Variants in ADGB observed in about 807,000 individuals in gnomAD.
ADGB encodes the protein androglobin, also known as calpain-7-like protein.
In ADGB, 172 loss-of-function variants were observed where a neutral mutation model predicts 210.5. The ratio of observed to expected loss-of-function variants is 0.82; its 90% confidence interval spans 0.72 to 0.93. ADGB has a LOEUF of 0.93. Among genes scored for constraint, ADGB ranks in the 40% least tolerant of loss-of-function variants. The pLI, the probability that ADGB is intolerant of heterozygous loss-of-function variation, is 0.00. For missense variants in ADGB, 2,025 were observed against 1,964.8 expected (o/e 1.03, Z -0.58); for synonymous variants, 658 against 662.7 (o/e 0.99, Z 0.11).
chr6:146,602,000 G>A (rs1357137853), intron 1 of ADGB, among the ~76,000 whole-genome samples: 14 of 152,060 alleles, frequency 9.2e-5, no homozygotes, highest in Admixed American at 9.2e-4. Flanking sequence ...AACTGATTAC[G>A]GTAGAATCAT....
intron 23 of ADGB, among the ~76,000 whole-genome samples, chr6:146,738,183 T>A (rs906016053): frequency 6.6e-6 from 1 of 152,108 alleles, no homozygotes; most frequent in African/African-American, 2.4e-5. Flanking sequence ...CCCTCATAAA[T>A]CTGTAAAGAT....
chr6:146,803,744 G>A (rs926218793), intron 35 of ADGB: 6 of 804,026 alleles, frequency 7.5e-6, no homozygotes, highest in Non-Finnish European at 1.2e-5. Context: ...TGGTACCGCG[G>A]CGCCTCAGCC....
chr6:146,792,715 G>T (rs1222397849), intron 33 of ADGB, among the ~76,000 whole-genome samples: 1 of 151,992 alleles, frequency 6.6e-6, no homozygotes, highest in Non-Finnish European at 1.5e-5. Context: ...TGCATAGAGA[G>T]GAGAAATAAG....
intron 35 of ADGB, among the ~76,000 whole-genome samples, chr6:146,807,164 CTATT>C (rs1316753744): frequency 6.6e-6 from 1 of 152,120 alleles, no homozygotes; most frequent in Non-Finnish European, 1.5e-5. Flanking sequence ...TATGTTTTGA[CTATT>C]TTTTCTACAA....
At chr6:146,710,384 C>T (rs1427907337) in intron 13 of ADGB, among the ~76,000 whole-genome samples, 6 of 151,990 alleles carry the variant, frequency 3.9e-5, no homozygotes, top group South Asian at 2.1e-4. Context: ...AACTTTCAAA[C>T]GTTATAATAA....
At chr6:146,651,366 G>A (rs551663514) in intron 3 of ADGB, among the ~76,000 whole-genome samples, 4 of 152,306 alleles carry the variant, frequency 2.6e-5, no homozygotes, top group African/African-American at 9.6e-5. Flanking sequence ...CTCAAATTTG[G>A]CCGCTCACTG....
intron 12 of ADGB, among the ~76,000 whole-genome samples, chr6:146,696,280 T>G (rs1776402135): frequency 6.6e-6 from 1 of 152,126 alleles, no homozygotes; most frequent in African/African-American, 2.4e-5. Context: ...TTCACCATGT[T>G]GGCCAGGCTG....
intron 35 of ADGB, among the ~76,000 whole-genome samples, chr6:146,804,721 T>G (rs974358202): frequency 1.3e-5 from 2 of 152,196 alleles, no homozygotes; most frequent in African/African-American, 4.8e-5. Context: ...GCTTCCATCT[T>G]TGCCCCTCCA....
intron 6 of ADGB, among the ~76,000 whole-genome samples, chr6:146,665,950 G>T (rs1374445000): frequency 2.0e-5 from 3 of 152,016 alleles, no homozygotes; most frequent in African/African-American, 7.2e-5. Context: ...GTCCAATGAG[G>T]AGTTTAGACT....
chr6:146,616,904 T>C (rs60951163), intron 1 of ADGB, among the ~76,000 whole-genome samples: 2,239 of 152,166 alleles, frequency 0.015, 63 homozygotes, highest in African/African-American at 0.052. Flanking sequence ...GTCCTTTTCA[T>C]TGAGGATTGC....
chr6:146,809,281 A>C (rs259383), intron 35 of ADGB, among the ~76,000 whole-genome samples: 2 of 152,044 alleles, frequency 1.3e-5, no homozygotes, highest in South Asian at 2.1e-4. Context: ...TCTCGGCTCA[A>C]TGCAAACCTC....
intron 1 of ADGB, among the ~76,000 whole-genome samples, chr6:146,627,805 A>T (rs1423142130): frequency 6.6e-6 from 1 of 151,790 alleles, no homozygotes; most frequent in Non-Finnish European, 1.5e-5. Context: ...TCCCCCAAAC[A>T]CTCATCTCCT....
intron 1 of ADGB, among the ~76,000 whole-genome samples, chr6:146,604,124 C>T (rs1346565156): frequency 6.6e-6 from 1 of 152,098 alleles, no homozygotes; most frequent in African/African-American, 2.4e-5. Flanking sequence ...CAACTATAGT[C>T]AATTAACAAA....
At chr6:146,776,829 T>C (rs1039250903) in intron 29 of ADGB, among the ~76,000 whole-genome samples, 1 of 152,126 alleles carries the variant, frequency 6.6e-6, no homozygotes, top group African/African-American at 2.4e-5. Context: ...TTAAGCTCTC[T>C]GGGCATGGTG....
In ADGB at chr6:146,711,359, GT is replaced by G. The variant is rs934655462; in HGVS notation, c.1708-4011del. 9.2e-3 allele frequency among the ~76,000 whole-genome samples: 1,322 copies of G among 143,922 alleles called. 5 individuals are homozygous for G. Among genetic ancestry groups the G allele is most frequent in the African/African-American group, 0.027 (1,084 of 39,858 alleles). 94.4% of individuals were successfully genotyped at this position (143,922 alleles called of 152,430 possible). A position where few individuals can be genotyped will look rare whatever the true frequency, so the allele number is the denominator to read the frequency against. ...ATCAAATATTTTATAAATGCCTGTT[GT>G]TTTTTTTTTTTAAACCACCCCATGC... On this transcript the variant is annotated intron_variant, in intron 13 of 35. Transcript: ENST00000397944.
At chr6:146,691,477 A>AAAAAAT (rs1342320983) in intron 11 of ADGB, among the ~76,000 whole-genome samples, 187 bp downstream of exon 11, 1 of 18,568 alleles carries the variant, frequency 5.4e-5, no homozygotes, top group African/African-American at 4.3e-4. Flanking sequence ...TATATATATA[A>AAAAAAT]ATATATATAT....
chr6:146,756,939 C>G (rs1180172295), intron 27 of ADGB, among the ~76,000 whole-genome samples: 2 of 151,854 alleles, frequency 1.3e-5, no homozygotes, highest in Non-Finnish European at 2.9e-5. Flanking sequence ...GTTGGCCATG[C>G]TGGTCTCAAA....
intron 2 of ADGB, among the ~76,000 whole-genome samples, chr6:146,637,270 T>G (rs1037308388): frequency 2.0e-5 from 3 of 152,002 alleles, no homozygotes; most frequent in Non-Finnish European, 4.4e-5. Flanking sequence ...TCCTGGGACC[T>G]GTGTCAGTTT....
chr6:146,672,572 C>A, intron 8 of ADGB, 105 bp downstream of exon 8: 1 of 1,318,172 alleles, frequency 7.6e-7, no homozygotes, highest in Non-Finnish European at 1.0e-6. Context: ...GATCCAGACC[C>A]CAAGAGAGGG....
Sources: gnomAD v4.1 joint callset for allele counts (sites outside exome capture counted in the v4.1 genomes callset) on GRCh38, gnomAD v4.1.1 for gene constraint, MANE v1.5 for transcripts, NCBI Gene and HGNC (gene_info 2026-07-23, HGNC 2026-07-21) for gene names.